Variants in NOX3 observed in about 807,000 individuals in gnomAD.
The protein encoded by NOX3 is NADPH oxidase catalytic subunit-like 3.
In NOX3, 74 loss-of-function variants were observed where a neutral mutation model predicts 76.7. That is an observed-to-expected ratio of 0.96 (90% confidence interval 0.80 to 1.17). The LOEUF is 1.17. Among genes scored for constraint, NOX3 ranks in the 50% most tolerant of loss-of-function variants. NOX3 has a pLI of 0.00. For synonymous variants in NOX3, 263 were observed against 261.1 expected (o/e 1.01, Z -0.07); for missense variants, 695 against 703.3 (o/e 0.99, Z 0.13).
chr6:155,431,413 A>AACACACGC (rs1554263960), intron 7 of NOX3, among the ~76,000 whole-genome samples: 2 of 144,642 alleles, frequency 1.4e-5, no homozygotes, highest in African/African-American at 5.2e-5. Flanking sequence ...TAAACACAGA[A>AACACACGC]ACACACACAC....
chr6:155,444,965 T>C (rs1777042473), intron 4 of NOX3, among the ~76,000 whole-genome samples: 2 of 152,338 alleles, frequency 1.3e-5, no homozygotes, highest in Admixed American at 1.3e-4. Context: ...CTGTATATTC[T>C]TAAGAAGTAA....
At chr6:155,412,921 T>C (rs1413751858) in intron 10 of NOX3, among the ~76,000 whole-genome samples, 1 of 152,146 alleles carries the variant, frequency 6.6e-6, no homozygotes, top group African/African-American at 2.4e-5. Context: ...AAGTAGAATA[T>C]AGGTTATGTC....
chr6:155,446,065 G>A (rs928911656), intron 4 of NOX3, among the ~76,000 whole-genome samples: 1 of 149,470 alleles, frequency 6.7e-6, no homozygotes, highest in African/African-American at 2.5e-5. Context: ...ACTTCAGGTT[G>A]AGGCTCACCC....
At chr6:155,400,925 G>A (rs1305537847) in intron 12 of NOX3, among the ~76,000 whole-genome samples, 2 of 152,062 alleles carry the variant, frequency 1.3e-5, no homozygotes, top group Non-Finnish European at 2.9e-5. Flanking sequence ...AGATAAAGTT[G>A]CTTATAGCTA....
chr6:155,452,112 T>C (rs1777152820), intron 4 of NOX3, among the ~76,000 whole-genome samples: 1 of 152,258 alleles, frequency 6.6e-6, no homozygotes. Flanking sequence ...GGAGATTCCT[T>C]GAATTGCTTC....
chr6:155,450,179 C>G (rs576411747), intron 4 of NOX3, among the ~76,000 whole-genome samples: 1 of 151,888 alleles, frequency 6.6e-6, no homozygotes, highest in African/African-American at 2.4e-5. Context: ...TATCTGGGAG[C>G]CTGGCAAAGC....
intron 10 of NOX3, among the ~76,000 whole-genome samples, chr6:155,412,164 G>T (rs527443280): frequency 1.3e-5 from 2 of 151,722 alleles, no homozygotes; most frequent in East Asian, 1.9e-4. Flanking sequence ...TCTCTCTCTC[G>T]TGCCTTCTCC....
rs770078368 is a variant in NOX3, at chr6:155,455,806, T to C, written c.-6A>G. 1.2e-6 allele frequency: 2 copies of C among 1,613,692 alleles called. No homozygotes were observed. Among genetic ancestry groups the C allele is most frequent in the South Asian group, 1.1e-5 (1 of 91,082 alleles). On this transcript the variant is annotated 5_prime_UTR_variant, in exon 1 of 14. Transcript: ENST00000159060. ...AAAATCCAGCACCCCATCATGATAC[T>C]TGTTGCTCTTCGGCTGTCAGGAAAT...
rs79672857 is a variant in NOX3, at chr6:155,395,413, G to T, written c.*189C>A. On this transcript the variant is annotated 3_prime_UTR_variant, in exon 14 of 14. Coordinates refer to ENST00000159060, the MANE Select transcript of NOX3 (RefSeq NM_015718.3). Reference sequence around the variant, plus strand: ...TAATTTCAGTAAATGTTTTTGTTCTGTTGTATATGACATGTTATTTATAAG... The same window carrying T: ...TAATTTCAGTAAATGTTTTTGTTCTTTTGTATATGACATGTTATTTATAAG... 78 of 152,236 alleles carry T rather than the reference G, an allele frequency of 5.1e-4. No individual in the cohort carries two copies. The highest frequency in any genetic ancestry group is 1.6e-3 in the African/African-American group (66 of 41,540). The allele number at this position is 152,236 out of a possible 1,614,324, so 9.4% of individuals were successfully genotyped here.
chr6:155,419,996 CTATA>C (rs1310821525), intron 10 of NOX3, among the ~76,000 whole-genome samples: 3 of 151,754 alleles, frequency 2.0e-5, no homozygotes, highest in Non-Finnish European at 4.4e-5. Context: ...AATATTTTTA[CTATA>C]TATATAGTTA....
chr6:155,450,985 T>A (rs934620301), intron 4 of NOX3, among the ~76,000 whole-genome samples: 4 of 152,070 alleles, frequency 2.6e-5, no homozygotes, highest in African/African-American at 9.7e-5. Flanking sequence ...TTGAAAAATT[T>A]TTTTTTTTTT....
In NOX3 at chr6:155,455,839, C is replaced by T; in HGVS notation, c.-39G>A. 2 of 1,593,568 alleles carry T rather than the reference C, an allele frequency of 1.3e-6. No individual in the cohort carries two copies. The highest frequency in any genetic ancestry group is 1.1e-5 in the South Asian group (1 of 90,622). On this transcript the variant is annotated 5_prime_UTR_variant, in exon 1 of 14. Coordinates refer to ENST00000159060, the MANE Select transcript of NOX3 (RefSeq NM_015718.3). ...CTTCGGCTGTCAGGAAATTTCTTCTCCCTCACCTGTGTCTGGATGTTGGGT... is the reference window on the plus strand; with the variant it reads ...CTTCGGCTGTCAGGAAATTTCTTCTTCCTCACCTGTGTCTGGATGTTGGGT...
intron 12 of NOX3, among the ~76,000 whole-genome samples, chr6:155,404,137 T>A (rs868436654): frequency 2.0e-4 from 30 of 148,684 alleles, no homozygotes; most frequent in Non-Finnish European, 1.5e-4. Flanking sequence ...ATTTTTTTTT[T>A]CCCAAAAGGA....
chr6:155,407,025 C>T lies in NOX3; in HGVS notation c.1580+105G>A, dbSNP rs1776473148. ...ACCTTTTCTAAGGTAGATGTTTTGT[C>T]TCTAATGGAGATATACGGTACTGCA... On this transcript the variant is annotated intron_variant, in intron 12 of 13. Coordinates refer to ENST00000159060, the MANE Select transcript of NOX3 (RefSeq NM_015718.3). 4 of 1,253,022 alleles carry T rather than the reference C, an allele frequency of 3.2e-6. No homozygotes were observed. The South Asian group carries it at 5.4e-5, about 17-fold the overall frequency. The allele number at this position is 1,253,022 out of a possible 1,614,324, so 77.6% of individuals were successfully genotyped here. A position where few individuals can be genotyped will look rare whatever the true frequency, so the allele number is the denominator to read the frequency against.
intron 9 of NOX3, among the ~76,000 whole-genome samples, chr6:155,425,876 A>G (rs994374269): frequency 1.3e-5 from 2 of 152,214 alleles, no homozygotes; most frequent in African/African-American, 4.8e-5. Flanking sequence ...GTCTTTTGAA[A>G]GAGCTCACAT....
intron 12 of NOX3, among the ~76,000 whole-genome samples, chr6:155,401,238 C>T (rs144638976): frequency 2.3e-3 from 347 of 152,272 alleles, no homozygotes; most frequent in African/African-American, 8.2e-3. Flanking sequence ...ATTGAATCTT[C>T]ACTTGGGTCT....
At chr6:155,411,168 T>C (rs752904062) in intron 11 of NOX3, 46 bp downstream of exon 11, 9 of 1,553,012 alleles carry the variant, frequency 5.8e-6, no homozygotes, top group African/African-American at 1.4e-5. Context: ...TCATTGCTAT[T>C]AGATGAGTTC....
intron 5 of NOX3, 49 bp from the exon 6 acceptor site, chr6:155,440,186 C>T (rs1335402690): frequency 1.4e-6 from 2 of 1,430,858 alleles, no homozygotes; most frequent in African/African-American, 2.9e-5. Flanking sequence ...AAAAAAACAC[C>T]TTGACATTAA....
rs533360061 is a variant in NOX3, at chr6:155,439,819, ACAGT to A, written c.668+133_668+136del. 40 of 592,336 alleles carry A rather than the reference ACAGT, an allele frequency of 6.8e-5. No individual in the cohort carries two copies. The South Asian group carries it at 1.6e-3, about 24-fold the overall frequency. The allele number at this position is 592,336 out of a possible 1,614,324, so 36.7% of individuals were successfully genotyped here. On this transcript the variant is annotated intron_variant, in intron 6 of 13. Transcript: ENST00000159060. The stretch of plus-strand genomic sequence containing the variant: ...CAGTGTTACTGAAAAAGCGTTTGCC[ACAGT>A]CAATGTGCTTTTCACACATTATACG...
Sources: gnomAD v4.1 joint callset for allele counts (sites outside exome capture counted in the v4.1 genomes callset) on GRCh38, gnomAD v4.1.1 for gene constraint, MANE v1.5 for transcripts, NCBI Gene and HGNC (gene_info 2026-07-23, HGNC 2026-07-21) for gene names.